DLG2: variants seen among roughly 807,000 people sequenced by gnomAD.
DLG2 encodes discs large MAGUK scaffold protein 2.
DLG2 carries 45 observed loss-of-function variants against 132.5 expected under a neutral mutation model. The ratio of observed to expected loss-of-function variants is 0.34; its 90% confidence interval spans 0.27 to 0.44. The LOEUF (loss-of-function observed/expected upper bound fraction) is 0.44. DLG2 is among the 20% of genes least tolerant of loss of function. The pLI is 1.00. For synonymous variants in DLG2, 424 were observed against 419.6 expected, an observed-to-expected ratio of 1.01 and a Z score of -0.13; for missense variants, 1,045 against 1,196.9, an observed-to-expected ratio of 0.87 and a Z score of 1.87.
intron 7 of DLG2, among the ~76,000 whole-genome samples, chr11:84,429,936 C>T (rs768381200): frequency 4.6e-5 from 7 of 152,164 alleles, no homozygotes; most frequent in Non-Finnish European, 1.0e-4. Context: ...AGGACCATAA[C>T]TGAGAAGTCA....
intron 5 of DLG2, among the ~76,000 whole-genome samples, chr11:85,115,032 G>T (rs1242722779): frequency 6.6e-6 from 1 of 151,800 alleles, no homozygotes; most frequent in East Asian, 1.9e-4. Flanking sequence ...GAGCTGAAAG[G>T]TTCTGTTGTT....
intron 19 of DLG2, among the ~76,000 whole-genome samples, chr11:83,571,397 C>CT (rs1404402442): frequency 2.6e-5 from 4 of 151,594 alleles, no homozygotes; most frequent in Admixed American, 6.6e-5. Flanking sequence ...ACTTTCAAAT[C>CT]TTTTTTTTCT....
At chr11:83,825,327 A>G (rs1486532686) in intron 17 of DLG2, among the ~76,000 whole-genome samples, 1 of 151,362 alleles carries the variant, frequency 6.6e-6, no homozygotes, top group Non-Finnish European at 1.5e-5. Flanking sequence ...GATTATAGGC[A>G]TGCACCACCA....
chr11:83,592,615 AT>A (rs2097207159), intron 19 of DLG2, among the ~76,000 whole-genome samples: 1 of 151,902 alleles, frequency 6.6e-6, no homozygotes, highest in South Asian at 2.1e-4. Flanking sequence ...ACCAAAAGCA[AT>A]GGCAACAAAA....
intron 22 of DLG2, among the ~76,000 whole-genome samples, chr11:83,477,566 G>T (rs558726555): frequency 1.1e-4 from 17 of 152,100 alleles, no homozygotes; most frequent in Non-Finnish European, 2.2e-4. Context: ...CCAGGATACA[G>T]TGTGAATGGT....
chr11:85,224,267 G>A (rs911717452), intron 4 of DLG2, among the ~76,000 whole-genome samples: 2 of 152,116 alleles, frequency 1.3e-5, no homozygotes, highest in African/African-American at 2.4e-5. Flanking sequence ...AAGCAACAGG[G>A]GAGGAGAAAG....
In DLG2 at chr11:85,492,584, C is replaced by G. The variant is rs113589642; in HGVS notation, c.40+106073G>C. Among the ~76,000 whole-genome samples, 1,454 of 152,178 alleles carry G rather than the reference C, an allele frequency of 9.6e-3. 6 individuals are homozygous for G. Among genetic ancestry groups the G allele is most frequent in the Non-Finnish European group, 0.016 (1,066 of 67,968 alleles). On this transcript the variant is annotated intron_variant, in intron 3 of 27. Coordinates refer to ENST00000376104, the MANE Select transcript of DLG2 (RefSeq NM_001142699.3). ...GTTTTGCTTTTTATCATCTCAAATT[C>G]TTTTTGGAGAAGTACAGAAAATAGA...
intron 10 of DLG2, among the ~76,000 whole-genome samples, chr11:84,090,634 T>C (rs2154169245): frequency 6.6e-6 from 1 of 152,248 alleles, no homozygotes; most frequent in East Asian, 1.9e-4. Flanking sequence ...TGACAACATA[T>C]TGCAAAGTAG....
chr11:84,357,089 T>C (rs2098618634), intron 7 of DLG2, among the ~76,000 whole-genome samples: 1 of 151,952 alleles, frequency 6.6e-6, no homozygotes, highest in African/African-American at 2.4e-5. Context: ...TGGAGCCTCA[T>C]GAGGAATCAG....
chr11:84,726,755 C>T (rs1056747321), intron 6 of DLG2, among the ~76,000 whole-genome samples: 3 of 152,182 alleles, frequency 2.0e-5, no homozygotes, highest in Non-Finnish European at 4.4e-5. Flanking sequence ...CCCTATTTCT[C>T]CACATCCTCT....
chr11:83,889,837 A>T, intron 15 of DLG2, among the ~76,000 whole-genome samples: 1 of 152,004 alleles, frequency 6.6e-6, no homozygotes, highest in East Asian at 1.9e-4. Context: ...GGAAATCATC[A>T]TTCTCAGTAA....
intron 3 of DLG2, among the ~76,000 whole-genome samples, chr11:85,485,908 G>A (rs1467831950): frequency 6.6e-6 from 1 of 152,184 alleles, no homozygotes; most frequent in African/African-American, 2.4e-5. Context: ...CACAGCCAGT[G>A]CAGCTGCCAC....
chr11:84,856,128 A>C (rs536391060), intron 6 of DLG2, among the ~76,000 whole-genome samples: 2 of 152,204 alleles, frequency 1.3e-5, no homozygotes, highest in East Asian at 3.9e-4. Flanking sequence ...GCTTAACTAA[A>C]ATCTGCCTTC....
chr11:85,325,468 A>ACCCCTGT (rs2081397261), intron 3 of DLG2, among the ~76,000 whole-genome samples: 3 of 134,736 alleles, frequency 2.2e-5, no homozygotes, highest in Non-Finnish European at 4.8e-5. Context: ...CTGACCCCTG[A>ACCCCTGT]CCCCCGAGCA....
chr11:85,572,989 T>G (rs1008724157), intron 3 of DLG2, among the ~76,000 whole-genome samples: 2 of 152,220 alleles, frequency 1.3e-5, no homozygotes, highest in Admixed American at 6.5e-5. Flanking sequence ...AAGTGAGTTC[T>G]CACTCTGAGT....
chr11:85,429,545 A>C (rs2091018262), intron 3 of DLG2, among the ~76,000 whole-genome samples: 1 of 152,214 alleles, frequency 6.6e-6, no homozygotes. Context: ...AAAGTGGGCA[A>C]AGCATTCAAA....
intron 6 of DLG2, among the ~76,000 whole-genome samples, chr11:84,703,870 A>ATATATG (rs2059475278): frequency 8.1e-6 from 1 of 122,768 alleles, no homozygotes; most frequent in African/African-American, 4.0e-5. Flanking sequence ...ATATATATAT[A>ATATATG]TATATATATA....
intron 3 of DLG2, among the ~76,000 whole-genome samples, chr11:85,354,885 G>T (rs1262740198): frequency 1.3e-5 from 2 of 151,588 alleles, no homozygotes; most frequent in Admixed American, 6.6e-5. Flanking sequence ...CTACAAAAGT[G>T]AAAGATAATT....
At chr11:85,019,477 T>G (rs2154139074) in intron 6 of DLG2, among the ~76,000 whole-genome samples, 1 of 152,274 alleles carries the variant, frequency 6.6e-6, no homozygotes, top group African/African-American at 2.4e-5. Flanking sequence ...TATTTATTTA[T>G]TTTTCATTAT....
Sources: gnomAD v4.1 joint callset for allele counts (sites outside exome capture counted in the v4.1 genomes callset) on GRCh38, gnomAD v4.1.1 for gene constraint, MANE v1.5 for transcripts, NCBI Gene and HGNC (gene_info 2026-07-23, HGNC 2026-07-21) for gene names.